LPAR1: variants seen among roughly 807,000 people sequenced by gnomAD.
LPAR1 encodes lysophosphatidic acid receptor 1.
LPAR1 carries 5 observed loss-of-function variants against 23.8 expected under a neutral mutation model. The observed-to-expected ratio is 0.21, with a 90% CI of 0.11 to 0.44. LPAR1 has a LOEUF of 0.44. LPAR1 is among the 20% of genes least tolerant of loss of function. The pLI, the probability that LPAR1 is intolerant of heterozygous loss-of-function variation, is 0.99. For missense variants in LPAR1, 311 were observed against 482.8 expected (o/e 0.64, Z 3.33); for synonymous variants, 160 against 164.7 (o/e 0.97, Z 0.22).
chr9:110,957,350 A>ATAATAAT (rs55733243), intron 4 of LPAR1, among the ~76,000 whole-genome samples: 15 of 147,856 alleles, frequency 1.0e-4, no homozygotes, highest in Admixed American at 4.1e-4. Context: ...AAAAAAAAAA[A>ATAATAAT]AATAATAATA....
At chr9:110,883,809 C>T (rs141921139) in intron 5 of LPAR1, among the ~76,000 whole-genome samples, 20 of 152,254 alleles carry the variant, frequency 1.3e-4, no homozygotes, top group African/African-American at 3.1e-4. Context: ...TCCTGCAGCC[C>T]GCTGACTTAC....
chr9:110,879,417 C>CA (rs71371692), intron 5 of LPAR1, among the ~76,000 whole-genome samples: 1,256 of 45,952 alleles, frequency 0.027, 20 homozygotes, highest in South Asian at 0.033. Flanking sequence ...GACTCCATCT[C>CA]AAAAAAAAAA....
chr9:110,902,428 G>T (rs1181540708), intron 5 of LPAR1, among the ~76,000 whole-genome samples: 1 of 151,998 alleles, frequency 6.6e-6, no homozygotes, highest in Admixed American at 6.6e-5. Flanking sequence ...GGTTTATAAG[G>T]GGCTTTTCCC....
chr9:110,935,914 A>C (rs542108463), intron 5 of LPAR1, among the ~76,000 whole-genome samples: 1 of 151,880 alleles, frequency 6.6e-6, no homozygotes, highest in Admixed American at 6.6e-5. Flanking sequence ...TCTTGTCAAA[A>C]CTCCATCTGG....
chr9:110,906,352 A>G (rs1231529893), intron 5 of LPAR1, among the ~76,000 whole-genome samples: 1 of 152,200 alleles, frequency 6.6e-6, no homozygotes, highest in East Asian at 1.9e-4. Context: ...GTATAATATA[A>G]TGTTGACACT....
chr9:110,954,353 A>AC (rs2095666346), intron 4 of LPAR1, among the ~76,000 whole-genome samples: 1 of 152,224 alleles, frequency 6.6e-6, no homozygotes, highest in African/African-American at 2.4e-5. Context: ...TTTGAATTTT[A>AC]CATGTTCCAG....
intron 5 of LPAR1, among the ~76,000 whole-genome samples, chr9:110,878,184 C>A (rs1009878296): frequency 1.2e-4 from 18 of 152,136 alleles, no homozygotes; most frequent in Non-Finnish European, 5.9e-5. Flanking sequence ...GTGTTTGGAT[C>A]TTCAAGACTC....
intron 2 of LPAR1, among the ~76,000 whole-genome samples, chr9:110,978,696 T>C (rs2096609063): frequency 6.6e-6 from 1 of 152,166 alleles, no homozygotes; most frequent in African/African-American, 2.4e-5. Context: ...CAGAGCTAAA[T>C]AGCATCTGAA....
chr9:110,917,985 C>T (rs923328247), intron 5 of LPAR1, among the ~76,000 whole-genome samples: 1 of 152,200 alleles, frequency 6.6e-6, no homozygotes, highest in African/African-American at 2.4e-5. Flanking sequence ...TCACTGTAGC[C>T]TCCACCTACA....
intron 5 of LPAR1, among the ~76,000 whole-genome samples, chr9:110,878,534 A>G (rs1210664129): frequency 8.5e-5 from 13 of 152,194 alleles, no homozygotes; most frequent in Admixed American, 8.5e-4. Flanking sequence ...AGGACTTGAG[A>G]TGTGCATTGT....
intron 5 of LPAR1, among the ~76,000 whole-genome samples, chr9:110,931,076 C>T (rs1200910156): frequency 1.3e-5 from 2 of 152,106 alleles, no homozygotes; most frequent in Non-Finnish European, 2.9e-5. Context: ...AAGTGAAATA[C>T]TAATTACAAT....
intron 2 of LPAR1, among the ~76,000 whole-genome samples, chr9:110,996,054 C>T (rs553339734): frequency 2.6e-5 from 4 of 152,198 alleles, no homozygotes; most frequent in African/African-American, 9.6e-5. Flanking sequence ...AAAAACCAAC[C>T]GGAGACCTAA....
intron 2 of LPAR1, among the ~76,000 whole-genome samples, chr9:110,974,197 G>C (rs2096497640): frequency 6.6e-6 from 1 of 151,742 alleles, no homozygotes; most frequent in Non-Finnish European, 1.5e-5. Context: ...TTGCCTTTAA[G>C]GAGCTTTTGT....
At chr9:110,992,119 C>T (rs1486646942) in intron 2 of LPAR1, among the ~76,000 whole-genome samples, 1 of 151,718 alleles carries the variant, frequency 6.6e-6, no homozygotes, top group African/African-American at 2.4e-5. Context: ...TGGCAAGCCA[C>T]AAACTGAGAG....
intron 2 of LPAR1, among the ~76,000 whole-genome samples, chr9:111,010,631 A>G (rs2097314513): frequency 6.6e-6 from 1 of 152,186 alleles, no homozygotes; most frequent in Non-Finnish European, 1.5e-5. Flanking sequence ...TCTTAATGAC[A>G]TAAAAACCCA....
intron 2 of LPAR1, among the ~76,000 whole-genome samples, chr9:110,993,432 T>G (rs1048342038): frequency 1.3e-5 from 2 of 152,110 alleles, no homozygotes; most frequent in African/African-American, 4.8e-5. Flanking sequence ...AGGCTGTTTA[T>G]TGTGTAGAAT....
intron 2 of LPAR1, among the ~76,000 whole-genome samples, chr9:110,995,003 T>C (rs184233785): frequency 9.2e-5 from 14 of 152,278 alleles, no homozygotes; most frequent in African/African-American, 1.7e-4. Flanking sequence ...AATATCATAG[T>C]ATTAGAAAGA....
chr9:110,897,770 T>C (rs542584854), intron 5 of LPAR1, among the ~76,000 whole-genome samples: 36 of 149,478 alleles, frequency 2.4e-4, no homozygotes, highest in African/African-American at 8.8e-4. Flanking sequence ...CATTGAAAAG[T>C]AGAAAAAAAT....
chr9:110,950,502 C>A (rs2136606469), intron 4 of LPAR1, among the ~76,000 whole-genome samples: 1 of 148,616 alleles, frequency 6.7e-6, no homozygotes, highest in East Asian at 2.0e-4. Context: ...TTTTAAAAAA[C>A]CTTATTTTTA....
Sources: allele counts gnomAD v4.1 joint callset (sites outside exome capture counted in the v4.1 genomes callset), GRCh38; gene constraint gnomAD v4.1.1; transcripts MANE v1.5; gene names NCBI Gene and HGNC (gene_info 2026-07-23, HGNC 2026-07-21).